NUP205: variants seen among roughly 807,000 people sequenced by gnomAD.
The protein encoded by NUP205 is nuclear pore complex protein Nup205.
Under a neutral mutation model 253.8 loss-of-function variants are expected in NUP205, and 76 were observed. The observed-to-expected ratio is 0.30, with a 90% CI of 0.25 to 0.36. NUP205 has a LOEUF of 0.36. Ranked by LOEUF, NUP205 falls within the 10% of genes least tolerant of loss-of-function variation. The pLI, the probability that NUP205 is intolerant of heterozygous loss-of-function variation, is 1.00. For missense variants in NUP205, 2,162 were observed against 2,425.5 expected, an observed-to-expected ratio of 0.89 and a Z score of 2.28; for synonymous variants, 832 against 850.1, an observed-to-expected ratio of 0.98 and a Z score of 0.37.
intron 1 of NUP205, among the ~76,000 whole-genome samples, chr7:135,558,392 A>G (rs902876643): frequency 2.6e-5 from 4 of 152,164 alleles, no homozygotes; most frequent in Admixed American, 2.0e-4. Flanking sequence ...GGAGTTCCTT[A>G]TAGGGTGGGA....
At position 135,577,934 on chromosome 7, in the gene NUP205, T is replaced by C. The variant is rs772235222; in HGVS notation, c.787T>C (p.Ser263Pro). The C allele has an allele frequency of 6.2e-7, 1 of 1,614,138 alleles. No individual in the cohort carries two copies. The highest frequency in any genetic ancestry group is 8.5e-7 in the Non-Finnish European group (1 of 1,179,978). ...LERVTVEANGSLDAVNLALLM... is the reference protein window; with the variant it reads ...LERVTVEANGPLDAVNLALLM... ...AAGAGTGACAGTTGAGGCTAATGGCTCACTGGATGCAGTGAATCTGGCTCT... is the reference window on the plus strand; with the variant it reads ...AAGAGTGACAGTTGAGGCTAATGGCCCACTGGATGCAGTGAATCTGGCTCT... Residue 263 changes from serine to proline, a missense_variant, in exon 6 of 43, where the codon TCA becomes CCA. Physicochemically the swap from Ser to Pro is moderately conservative, Grantham distance 74. Coordinates refer to ENST00000285968, the MANE Select transcript of NUP205 (RefSeq NM_015135.3).
chr7:135,628,793 C>T (rs959858687), intron 34 of NUP205, among the ~76,000 whole-genome samples: 1 of 152,152 alleles, frequency 6.6e-6, no homozygotes, highest in African/African-American at 2.4e-5. Context: ...ATTTTTTCTG[C>T]TTTCTCTACC....
chr7:135,627,520 C>T (rs1794616929), intron 33 of NUP205, among the ~76,000 whole-genome samples: 2 of 152,286 alleles, frequency 1.3e-5, no homozygotes, highest in South Asian at 4.1e-4. Context: ...AAAAAATCTG[C>T]AACACTGCTG....
intron 1 of NUP205, among the ~76,000 whole-genome samples, chr7:135,563,982 T>C (rs1390045743): frequency 6.6e-6 from 1 of 151,716 alleles, no homozygotes; most frequent in South Asian, 2.1e-4. Context: ...CAAGACCCTG[T>C]CACAAAAAAC....
At chr7:135,646,271 A>G (rs1423058677) in intron 42 of NUP205, 40 bp downstream of exon 42, 3 of 1,406,390 alleles carry the variant, frequency 2.1e-6, no homozygotes, top group African/African-American at 2.8e-5. Flanking sequence ...TTTCTTCATT[A>G]AAGTAAAAGG....
At position 135,648,672 on chromosome 7, in the gene NUP205, T is replaced by TCC; in HGVS notation, c.*116_*117insCC. On this transcript the variant is annotated 3_prime_UTR_variant, in exon 43 of 43. Transcript: ENST00000285968. ...AAATATTTTGCTATTTCTTTCTTTG[T>TCC]ATATGGACATCTTTTCTGTAAACTT... 1.4e-6 allele frequency: 1 copy of TCC among 719,736 alleles called. No homozygotes were observed. Among genetic ancestry groups the TCC allele is most frequent in the Non-Finnish European group, 2.0e-6 (1 of 491,892 alleles). The allele number at this position is 719,736 out of a possible 1,614,324, so 44.6% of individuals were successfully genotyped here. A position where few individuals can be genotyped will look rare whatever the true frequency, so the allele number is the denominator to read the frequency against.
At chr7:135,571,275 T>G (rs75573776) in intron 2 of NUP205, 28 bp downstream of exon 2, 1 of 1,373,950 alleles carries the variant, frequency 7.3e-7, no homozygotes, top group East Asian at 2.8e-5. Context: ...TCAGTTTTTT[T>G]GGGATTTTTT....
intron 18 of NUP205, among the ~76,000 whole-genome samples, chr7:135,603,658 C>T (rs1365122703): frequency 6.6e-6 from 1 of 151,602 alleles, no homozygotes; most frequent in Admixed American, 6.6e-5. Context: ...TATAGATGTG[C>T]ACCACCACAC....
chr7:135,603,372 C>T (rs1794006580), intron 18 of NUP205, among the ~76,000 whole-genome samples: 1 of 152,012 alleles, frequency 6.6e-6, no homozygotes, highest in Non-Finnish European at 1.5e-5. Flanking sequence ...CTCAGCCTCC[C>T]AAAGTGCTGG....
intron 32 of NUP205, 22 bp downstream of exon 32, chr7:135,625,377 A>G: frequency 6.5e-7 from 1 of 1,532,900 alleles, no homozygotes; most frequent in Non-Finnish European, 8.8e-7. Context: ...TAGACATTTG[A>G]TGTTAGATCA....
chr7:135,607,650 A>C (rs1584669731), intron 22 of NUP205, among the ~76,000 whole-genome samples: 2 of 152,180 alleles, frequency 1.3e-5, no homozygotes, highest in East Asian at 3.9e-4. Context: ...GCTGTGTTTA[A>C]AGTAGCTCCT....
intron 33 of NUP205, among the ~76,000 whole-genome samples, chr7:135,627,609 G>C (rs569285167): frequency 2.0e-5 from 3 of 152,330 alleles, no homozygotes; most frequent in South Asian, 4.1e-4. Context: ...GTAGAGGAGA[G>C]AGAATTTTAG....
intron 10 of NUP205, among the ~76,000 whole-genome samples, 163 bp downstream of exon 10, chr7:135,588,155 T>C (rs1038377777): frequency 6.6e-6 from 1 of 152,210 alleles, no homozygotes; most frequent in African/African-American, 2.4e-5. Context: ...TATTTATTTA[T>C]GTTGAGACAA....
At chr7:135,628,865 A>G (rs1463775694) in intron 34 of NUP205, among the ~76,000 whole-genome samples, 4 of 152,216 alleles carry the variant, frequency 2.6e-5, no homozygotes, top group Non-Finnish European at 4.4e-5. Context: ...ACCTTATTTT[A>G]TATCATAGCA....
chr7:135,565,972 G>T (rs1217746580), intron 1 of NUP205, among the ~76,000 whole-genome samples: 1 of 152,156 alleles, frequency 6.6e-6, no homozygotes, highest in African/African-American at 2.4e-5. Flanking sequence ...CCTCATTTTG[G>T]CAGGCAGAGA....
rs117992993 is a variant in NUP205 at position 135,626,937 on chromosome 7, T to G, written c.4793+576T>G. Among the ~76,000 whole-genome samples, 733 of 152,338 alleles carry G rather than the reference T, an allele frequency of 4.8e-3. 2 individuals carry two copies. Among genetic ancestry groups the G allele is most frequent in the Non-Finnish European group, 7.7e-3 (527 of 68,036 alleles). ...TAATACTTAGTTTGAGTTTAGTAAT[T>G]GTTTTAAAAGGATCTATTAGCAACT... On this transcript the variant is annotated intron_variant, in intron 33 of 42. Coordinates refer to ENST00000285968, the MANE Select transcript of NUP205 (RefSeq NM_015135.3).
chr7:135,617,082 A>G lies in NUP205; in HGVS notation c.3533-8A>G, dbSNP rs780526549. 6 of 1,593,738 alleles carry G rather than the reference A, an allele frequency of 3.8e-6. No homozygotes were observed. In the Admixed American group the frequency reaches 8.9e-5, roughly 24 times the overall value. On this transcript the variant is annotated splice_region_variant and splice_polypyrimidine_tract_variant and intron_variant, in intron 25 of 42. Coordinates refer to ENST00000285968, the MANE Select transcript of NUP205 (RefSeq NM_015135.3). ...AAGTAAAATCAAATTACTTTTTATT[A>G]TTTCTAGTACGTCGAAAAATTCTAA...
intron 2 of NUP205, 37 bp downstream of exon 2, chr7:135,571,284 T>G (rs1805990828): frequency 1.5e-6 from 2 of 1,341,390 alleles, no homozygotes; most frequent in African/African-American, 1.5e-5. Context: ...TTGGGATTTT[T>G]TTTTTTTTAA....
At chr7:135,625,124 G>A (rs749086073) in intron 31 of NUP205, 40 bp from the exon 32 acceptor site, 21 of 1,480,770 alleles carry the variant, frequency 1.4e-5, no homozygotes, top group Non-Finnish European at 1.8e-5. Context: ...GATTTTGGTA[G>A]CATCTACATG....
Sources: gnomAD v4.1 joint callset for allele counts (sites outside exome capture counted in the v4.1 genomes callset) on GRCh38, gnomAD v4.1.1 for gene constraint, MANE v1.5 for transcripts, NCBI Gene and HGNC (gene_info 2026-07-23, HGNC 2026-07-21) for gene names.